Variants in ALG5 observed in about 807,000 individuals in gnomAD.
ALG5 encodes the protein dolichyl-phosphate beta-glucosyltransferase.
A neutral mutation model predicts 51.8 loss-of-function variants in ALG5; 26 were observed. The observed-to-expected ratio is 0.50, with a 90% CI of 0.37 to 0.70. The LOEUF (loss-of-function observed/expected upper bound fraction) is 0.70. Among genes scored for constraint, ALG5 ranks in the 30% least tolerant of loss-of-function variants. The pLI is 0.00. For missense variants in ALG5, 311 were observed against 399.3 expected, an observed-to-expected ratio of 0.78 and a Z score of 1.88; for synonymous variants, 141 against 136.1, an observed-to-expected ratio of 1.04 and a Z score of -0.25.
chr13:36,992,345 T>C (rs1015187988), intron 4 of ALG5, among the ~76,000 whole-genome samples: 1 of 152,242 alleles, frequency 6.6e-6, no homozygotes, highest in Non-Finnish European at 1.5e-5. Flanking sequence ...AACAGTTATT[T>C]GTGCTGTAGA....
intron 1 of ALG5, 109 bp downstream of exon 1, chr13:36,999,126 A>T: frequency 9.8e-7 from 1 of 1,017,870 alleles, no homozygotes; most frequent in Non-Finnish European, 1.3e-6. Flanking sequence ...CTAGGGGAAA[A>T]GGGACTTCTC....
intron 6 of ALG5, among the ~76,000 whole-genome samples, chr13:36,975,356 T>C (rs377627777): frequency 2.0e-5 from 3 of 152,208 alleles, no homozygotes; most frequent in Admixed American, 6.5e-5. Context: ...AGGTTTTAGA[T>C]GTTGCTGATT....
intron 8 of ALG5, among the ~76,000 whole-genome samples, chr13:36,962,755 G>A (rs1002221612): frequency 6.6e-6 from 1 of 152,156 alleles, no homozygotes; most frequent in Non-Finnish European, 1.5e-5. Context: ...AAGAACTGCT[G>A]TCTAATACAA....
chr13:36,992,364 C>A (rs2059029215), intron 4 of ALG5, among the ~76,000 whole-genome samples: 1 of 152,152 alleles, frequency 6.6e-6, no homozygotes, highest in South Asian at 2.1e-4. Context: ...GATGTTTACT[C>A]TGGAATGGCA....
At chr13:36,971,918 TAA>T in intron 7 of ALG5, 57 bp downstream of exon 7, 2 of 1,344,838 alleles carry the variant, frequency 1.5e-6, no homozygotes, top group South Asian at 1.3e-5. Context: ...GATATATATA[TAA>T]AAAAAGAAAT....
chr13:36,984,046 ATAGT>A (rs1271053541), intron 6 of ALG5, among the ~76,000 whole-genome samples: 1 of 151,684 alleles, frequency 6.6e-6, no homozygotes, highest in African/African-American at 2.4e-5. Flanking sequence ...TCATTCATAG[ATAGT>A]TTTACATATT....
intron 7 of ALG5, chr13:36,967,679 A>G (rs1343346840): frequency 1.6e-5 from 8 of 487,024 alleles, no homozygotes; most frequent in African/African-American, 1.6e-4. Flanking sequence ...TACCTCTCTA[A>G]GTAGATAGGG....
At chr13:36,986,606 CTT>C (rs2059002960) in intron 5 of ALG5, among the ~76,000 whole-genome samples, 1 of 152,068 alleles carries the variant, frequency 6.6e-6, no homozygotes, top group South Asian at 2.1e-4. Flanking sequence ...TCTGTGATGT[CTT>C]TTTAATCACA....
chr13:36,968,052 G>A (rs2058903469), intron 7 of ALG5: 2 of 187,704 alleles, frequency 1.1e-5, no homozygotes, highest in Non-Finnish European at 2.3e-5. Context: ...AAGACCTTAA[G>A]TTATTTGATT....
At chr13:36,960,023 T>G (rs951397921) in intron 8 of ALG5, among the ~76,000 whole-genome samples, 6 of 152,044 alleles carry the variant, frequency 3.9e-5, no homozygotes, top group African/African-American at 1.2e-4. Flanking sequence ...CATGAGTAAG[T>G]AACAGATCCA....
At chr13:36,957,601 C>T (rs1007925440) in intron 8 of ALG5, among the ~76,000 whole-genome samples, 1 of 152,056 alleles carries the variant, frequency 6.6e-6, no homozygotes. Context: ...AAAGCTAACC[C>T]AAGAAACCCA....
Position 36,965,700 on chromosome 13 carries a change from C to G in ALG5, c.648G>C (p.Met216Ile). The G allele has an allele frequency of 6.2e-7, 1 of 1,613,894 alleles. No individual in the cohort carries two copies. The highest frequency in any genetic ancestry group is 8.5e-7 in the Non-Finnish European group (1 of 1,179,886). The stretch of plus-strand genomic sequence containing the variant: ...ACCACACCAGAAAGTGGAACCCATA[C>G]ATGAGAAGAGTACGGAAGTAAGAAC... ...AQRSYFRTLL[M>I]YGFHFLVWFL... The change falls in exon 8 of 10, where the codon ATG (methionine) becomes ATC (isoleucine). Residue 216 changes from methionine to isoleucine, a missense_variant. Physicochemically the swap from Met to Ile is conservative, Grantham distance 10 (BLOSUM62 1). Coordinates refer to ENST00000239891, the MANE Select transcript of ALG5 (RefSeq NM_013338.5).
chr13:36,957,860 T>C (rs1201087269), intron 8 of ALG5, among the ~76,000 whole-genome samples: 2 of 152,004 alleles, frequency 1.3e-5, no homozygotes, highest in East Asian at 3.9e-4. Context: ...CCTGGAGACA[T>C]GGTATTAGTC....
intron 6 of ALG5, among the ~76,000 whole-genome samples, chr13:36,977,988 G>A (rs2058961439): frequency 6.7e-6 from 1 of 149,852 alleles, no homozygotes; most frequent in African/African-American, 2.5e-5. Flanking sequence ...CTGGGTTCAA[G>A]CGATTCTCTT....
chr13:36,991,734 T>C (rs1406474912), intron 4 of ALG5, among the ~76,000 whole-genome samples: 1 of 152,204 alleles, frequency 6.6e-6, no homozygotes, highest in Non-Finnish European at 1.5e-5. Flanking sequence ...TTTTCGTTCC[T>C]AGTTAAAAAG....
chr13:36,997,057 T>C (rs1197575215), intron 1 of ALG5, among the ~76,000 whole-genome samples: 1 of 152,180 alleles, frequency 6.6e-6, no homozygotes, highest in Non-Finnish European at 1.5e-5. Flanking sequence ...TGATCAGGTC[T>C]CTCCATCCTA....
chr13:36,977,660 C>T (rs1450841047), intron 6 of ALG5, among the ~76,000 whole-genome samples: 2 of 151,484 alleles, frequency 1.3e-5, no homozygotes, highest in Non-Finnish European at 2.9e-5. Flanking sequence ...GGCATGGTGG[C>T]ACACACCTGT....
intron 6 of ALG5, among the ~76,000 whole-genome samples, chr13:36,972,830 A>G (rs529384110): frequency 6.6e-6 from 1 of 152,086 alleles, no homozygotes; most frequent in South Asian, 2.1e-4. Flanking sequence ...GTCTCTACTA[A>G]AAATTCACAA....
chr13:36,963,658 T>A (rs535554785), intron 8 of ALG5, among the ~76,000 whole-genome samples: 1 of 152,266 alleles, frequency 6.6e-6, no homozygotes, highest in African/African-American at 2.4e-5. Context: ...TAATGTAGAC[T>A]ACTTAAAATG....
Sources: gnomAD v4.1 joint callset for allele counts (sites outside exome capture counted in the v4.1 genomes callset) on GRCh38, gnomAD v4.1.1 for gene constraint, MANE v1.5 for transcripts, NCBI Gene and HGNC (gene_info 2026-07-23, HGNC 2026-07-21) for gene names.